Variants in SDCCAG8 observed in about 807,000 individuals in gnomAD.
SDCCAG8 encodes serologically defined colon cancer antigen 8.
Under a neutral mutation model 101.8 loss-of-function variants are expected in SDCCAG8, and 74 were observed. The ratio of observed to expected loss-of-function variants is 0.73; its 90% CI spans 0.60 to 0.88. The LOEUF (loss-of-function observed/expected upper bound fraction) is 0.88. Among genes scored for constraint, SDCCAG8 ranks in the 40% least tolerant of loss-of-function variants. The probability of loss-of-function intolerance (pLI) is 0.00; values close to 1 mark genes in which losing one functional copy is unlikely to be tolerated. For synonymous variants in SDCCAG8, 281 were observed against 292.9 expected (o/e 0.96, Z 0.41); for missense variants, 787 against 822.6 (o/e 0.96, Z 0.53).
At chr1:243,297,182 G>A (rs185333678) in intron 6 of SDCCAG8, among the ~76,000 whole-genome samples, 221 of 152,208 alleles carry the variant, frequency 1.5e-3, no homozygotes, top group Non-Finnish European at 2.5e-3. Context: ...TATATAAGTG[G>A]AATTGTATAG....
intron 1 of SDCCAG8, chr1:243,267,207 C>T (rs1009409273): frequency 1.1e-5 from 2 of 177,496 alleles, no homozygotes; most frequent in Admixed American, 6.0e-5. Context: ...CGCACCACTA[C>T]ACTGCAGCCT....
At chr1:243,327,259 A>G (rs982490415) in intron 9 of SDCCAG8, among the ~76,000 whole-genome samples, 2 of 94,512 alleles carry the variant, frequency 2.1e-5, no homozygotes, top group Non-Finnish European at 4.6e-5. Context: ...TTCAGTTACT[A>G]TAAAATTATA....
chr1:243,348,786 A>G (rs1471268318), intron 12 of SDCCAG8, among the ~76,000 whole-genome samples: 1 of 148,860 alleles, frequency 6.7e-6, no homozygotes, highest in African/African-American at 2.5e-5. Flanking sequence ...CAGCCTGACC[A>G]ATATGGAGAA....
At chr1:243,323,156 A>T (rs1480804792) in intron 9 of SDCCAG8, among the ~76,000 whole-genome samples, 3 of 151,628 alleles carry the variant, frequency 2.0e-5, no homozygotes, top group African/African-American at 7.3e-5. Flanking sequence ...AAGCCACTTA[A>T]TGAGTTCCAC....
intron 6 of SDCCAG8, among the ~76,000 whole-genome samples, chr1:243,294,807 C>T (rs554422520): frequency 1.0e-4 from 15 of 148,806 alleles, no homozygotes; most frequent in Non-Finnish European, 1.5e-4. Context: ...ATGTAACAGA[C>T]GTTTATTCTT....
At chr1:243,335,991 T>C (rs1366359998) in intron 10 of SDCCAG8, among the ~76,000 whole-genome samples, 2 of 152,212 alleles carry the variant, frequency 1.3e-5, no homozygotes, top group African/African-American at 4.8e-5. Flanking sequence ...TATGGCTGCA[T>C]AGTATTCAGT....
chr1:243,381,002 A>G (rs1407625122), intron 13 of SDCCAG8, among the ~76,000 whole-genome samples: 2 of 151,960 alleles, frequency 1.3e-5, no homozygotes, highest in East Asian at 3.8e-4. Context: ...CAGTATACTC[A>G]GGTGTGTGAC....
At chr1:243,306,225 T>C (rs1052924689) in intron 7 of SDCCAG8, 17 of 152,286 alleles carry the variant, frequency 1.1e-4, no homozygotes, top group Middle Eastern at 3.4e-3. Flanking sequence ...TTTACTTTTT[T>C]ACAAAGAAAT....
rs1218531889 is a variant in SDCCAG8, at chr1:243,432,945, CAAAAG to C, written c.1985+6391_1985+6395del. Among the ~76,000 whole-genome samples the C allele has an allele frequency of 2.6e-5, 4 of 151,912 alleles. No individual in the cohort carries two copies. In the East Asian group the frequency reaches 7.7e-4, roughly 29 times the overall value. On this transcript the variant is annotated intron_variant, in intron 16 of 17. Coordinates refer to ENST00000366541, the MANE Select transcript of SDCCAG8 (RefSeq NM_006642.5). ...GTTTCTATGGAGGGGGTTTGAGAGT[CAAAAG>C]AAATTTGGAGACGCTGAGGTAGACA...
At chr1:243,262,141 CTTT>C (rs2067244299) in intron 1 of SDCCAG8, among the ~76,000 whole-genome samples, 1 of 120,378 alleles carries the variant, frequency 8.3e-6, no homozygotes, top group Admixed American at 9.2e-5. Context: ...GGGTCTTATT[CTTT>C]TGCCCAGGCT....
At chr1:243,351,186 G>T (rs1167692464) in intron 12 of SDCCAG8, among the ~76,000 whole-genome samples, 1 of 152,122 alleles carries the variant, frequency 6.6e-6, no homozygotes, top group Non-Finnish European at 1.5e-5. Flanking sequence ...CCTGCCTTTG[G>T]TACATGTAAT....
chr1:243,475,094 C>G (rs1460292423), intron 16 of SDCCAG8, among the ~76,000 whole-genome samples: 1 of 152,106 alleles, frequency 6.6e-6, no homozygotes, highest in Non-Finnish European at 1.5e-5. Context: ...CCCCCAGACA[C>G]GCACAGGCCC....
intron 4 of SDCCAG8, among the ~76,000 whole-genome samples, chr1:243,283,232 A>G (rs1365497160): frequency 6.6e-6 from 1 of 152,016 alleles, no homozygotes; most frequent in African/African-American, 2.4e-5. Flanking sequence ...TGCAGTATCA[A>G]TATGATATTC....
intron 12 of SDCCAG8, among the ~76,000 whole-genome samples, chr1:243,360,087 A>T (rs929770706): frequency 1.1e-4 from 17 of 149,828 alleles, no homozygotes; most frequent in African/African-American, 4.2e-4. Context: ...ACATATATCC[A>T]CTGCTACCGT....
In SDCCAG8 at chr1:243,499,849, C is replaced by A. The variant is rs887001769; in HGVS notation, c.*64C>A. The A allele has an allele frequency of 3.3e-6, 5 of 1,497,814 alleles. No individual in the cohort carries two copies. The African/African-American group carries it at 5.5e-5, about 17-fold the overall frequency. The allele number at this position is 1,497,814 out of a possible 1,614,324, so 92.8% of individuals were successfully genotyped here. A position where few individuals can be genotyped will look rare whatever the true frequency, so the allele number is the denominator to read the frequency against. ...GATATTTACATTCATCTGGTTTAGA[C>A]TTAATATGCCACAACGCACCACGAC... On this transcript the variant is annotated 3_prime_UTR_variant, in exon 18 of 18. Transcript: ENST00000366541.
intron 1 of SDCCAG8, among the ~76,000 whole-genome samples, chr1:243,259,049 G>T (rs1054817045): frequency 6.6e-6 from 1 of 152,136 alleles, no homozygotes; most frequent in Non-Finnish European, 1.5e-5. Context: ...GGAAGTGGCC[G>T]CATAAAAATG....
chr1:243,496,612 C>T (rs1000718014), intron 17 of SDCCAG8, among the ~76,000 whole-genome samples: 3 of 152,224 alleles, frequency 2.0e-5, no homozygotes, highest in African/African-American at 4.8e-5. Flanking sequence ...CAGTGAAGTG[C>T]GAAGCCCGGG....
At chr1:243,292,848 C>T (rs923921628) in intron 5 of SDCCAG8, among the ~76,000 whole-genome samples, 12 of 152,092 alleles carry the variant, frequency 7.9e-5, no homozygotes, top group East Asian at 1.9e-4. Flanking sequence ...TTGTTGAATG[C>T]GCTGAAATCT....
At chr1:243,317,733 A>G (rs770490805) in intron 9 of SDCCAG8, among the ~76,000 whole-genome samples, 1 of 152,188 alleles carries the variant, frequency 6.6e-6, no homozygotes, top group Non-Finnish European at 1.5e-5. Context: ...GAAGAATAGG[A>G]GGTTACTGTT....
Sources: gnomAD v4.1 joint callset for allele counts (sites outside exome capture counted in the v4.1 genomes callset) on GRCh38, gnomAD v4.1.1 for gene constraint, MANE v1.5 for transcripts, NCBI Gene and HGNC (gene_info 2026-07-23, HGNC 2026-07-21) for gene names.